The following VPS8 variants were observed in gnomAD, a reference collection of about 807,000 sequenced individuals.
The protein encoded by VPS8 is VPS8 subunit of CORVET complex, also known as vacuolar protein sorting-associated protein 8 homolog.
In VPS8, 129 loss-of-function variants were observed where a neutral mutation model predicts 216.4. The ratio of observed to expected loss-of-function variants is 0.60; its 90% CI spans 0.52 to 0.69. The LOEUF is 0.69. Ranked by LOEUF, VPS8 falls within the 30% of genes least tolerant of loss-of-function variation. The pLI is 0.00. For synonymous variants in VPS8, 571 were observed against 565.4 expected, an observed-to-expected ratio of 1.01 and a Z score of -0.14; for missense variants, 1,531 against 1,683.5, an observed-to-expected ratio of 0.91 and a Z score of 1.59.
chr3:184,973,180 T>G (rs139847310), intron 40 of VPS8, among the ~76,000 whole-genome samples: 1 of 152,206 alleles, frequency 6.6e-6, no homozygotes, highest in Non-Finnish European at 1.5e-5. Flanking sequence ...TCATGAAATA[T>G]AGAAAGTTAT....
At chr3:185,019,248 G>C (rs7616893) in intron 45 of VPS8, among the ~76,000 whole-genome samples, 2 of 152,106 alleles carry the variant, frequency 1.3e-5, no homozygotes, top group East Asian at 3.9e-4. Context: ...TCACTCCGGC[G>C]ACCCTTCAAC....
Position 184,855,967 on chromosome 3 carries a change from G to A in VPS8, c.1143+149G>A, listed in dbSNP as rs73885604. On this transcript the variant is annotated intron_variant, in intron 14 of 47. Coordinates refer to ENST00000625842, the MANE Select transcript of VPS8 (RefSeq NM_001009921.3). ...TTTTTATCTAAGGCTTTAATGATTAGCATCGGAAAATGGTGATCACTCTCA... is the reference window on the plus strand; with the variant it reads ...TTTTTATCTAAGGCTTTAATGATTAACATCGGAAAATGGTGATCACTCTCA... 2.4e-3 allele frequency: 1,463 copies of A among 602,648 alleles called. 10 individuals are homozygous for A. The highest frequency in any genetic ancestry group is 0.024 in the African/African-American group (1,264 of 52,186). 37.3% of individuals were successfully genotyped at this position (602,648 alleles called of 1,614,324 possible). A position where few individuals can be genotyped will look rare whatever the true frequency, so the allele number is the denominator to read the frequency against.
chr3:184,948,431 G>T (rs1744079591), intron 36 of VPS8, among the ~76,000 whole-genome samples: 2 of 152,122 alleles, frequency 1.3e-5, no homozygotes, highest in Non-Finnish European at 2.9e-5. Context: ...CAGAAGGATT[G>T]CTTGAGCTAA....
At chr3:184,926,217 A>G (rs1046908324) in intron 30 of VPS8, among the ~76,000 whole-genome samples, 4 of 151,530 alleles carry the variant, frequency 2.6e-5, no homozygotes, top group Admixed American at 2.6e-4. Context: ...CTACTAAAAA[A>G]ATACAAAAAA....
chr3:184,952,800 G>A (rs191118692), intron 36 of VPS8, among the ~76,000 whole-genome samples: 5 of 152,268 alleles, frequency 3.3e-5, no homozygotes, highest in South Asian at 2.1e-4. Context: ...TCTGCCATTC[G>A]GCAAAACAGT....
chr3:184,946,249 A>G (rs568280240), intron 36 of VPS8, among the ~76,000 whole-genome samples: 1 of 152,336 alleles, frequency 6.6e-6, no homozygotes, highest in African/African-American at 2.4e-5. Context: ...GTAGTCTTTC[A>G]TTAGTCTTAC....
rs112208359 is a variant in VPS8, at chr3:184,877,356, T to A, written c.1734+6551T>A. 8.2e-3 allele frequency among the ~76,000 whole-genome samples: 1,246 copies of A among 152,362 alleles called. 9 individuals are homozygous for A. Among genetic ancestry groups the A allele is most frequent in the Non-Finnish European group, 0.014 (951 of 68,034 alleles). ...CATTGCCGTATGCCCAGCATCTGGT[T>A]CAGTGTCCTTGATAAATAGTTGTTG... On this transcript the variant is annotated intron_variant, in intron 21 of 47. Transcript: ENST00000625842.
chr3:184,960,645 C>G (rs1746353190), intron 37 of VPS8, among the ~76,000 whole-genome samples: 1 of 152,100 alleles, frequency 6.6e-6, no homozygotes, highest in Admixed American at 6.6e-5. Flanking sequence ...TGTATTCTCT[C>G]TTTTTTGTAT....
chr3:184,894,387 C>A lies in VPS8; in HGVS notation c.1782-316C>A, dbSNP rs577056870. On this transcript the variant is annotated intron_variant, in intron 22 of 47. Coordinates refer to ENST00000625842, the MANE Select transcript of VPS8 (RefSeq NM_001009921.3). ...TAGGCCGGAAGGCTGGGTTCAAAATCTGACTCTTTTGTTTGTTAGATATGT... is the reference window on the plus strand; with the variant it reads ...TAGGCCGGAAGGCTGGGTTCAAAATATGACTCTTTTGTTTGTTAGATATGT... Among the ~76,000 whole-genome samples, 104 of 152,080 alleles carry A rather than the reference C, an allele frequency of 6.8e-4. 1 individual carries two copies. Among genetic ancestry groups the A allele is most frequent in the African/African-American group, 2.4e-3 (100 of 41,486 alleles).
At chr3:184,894,508 G>GTATATATACATA (rs779876259) in intron 22 of VPS8, among the ~76,000 whole-genome samples, 195 bp from the exon 23 acceptor site, 3 of 133,128 alleles carry the variant, frequency 2.3e-5, no homozygotes, top group Non-Finnish European at 4.8e-5. Flanking sequence ...ATATACACAC[G>GTATATATACATA]TATATATATA....
chr3:184,886,120 C>T lies in VPS8; in HGVS notation c.1745C>T (p.Pro582Leu), dbSNP rs747931251. 1.9e-6 allele frequency: 3 copies of T among 1,609,568 alleles called. No homozygotes were observed. The change falls in exon 22 of 48, where the codon CCT becomes CTT. Residue 582 changes from proline to leucine, a missense_variant. By Grantham distance (98) the Pro-to-Leu change is moderately conservative (BLOSUM62 -3). Transcript: ENST00000625842. ...ATGGTTCCTCTACAGGATATGGTGC[C>T]TGTCATAGTTGATTACTGCCTTCTG... ...VMEQHFQDMV[P>L]VIVDYCLLLQ...
At position 184,928,472 on chromosome 3, in the gene VPS8, G is replaced by C. The variant is rs1179166459; in HGVS notation, c.2653G>C (p.Ala885Pro). The part of the protein sequence containing the change: ...RQQVLLELLQ[A>P]GGIVQFEESR... ...TCAGGTCCTTTTAGAATTGCTGCAG[G>C]CTGGAGGCATAGTTCAATTTGAAGA... is the stretch of plus-strand genomic sequence containing the variant. Residue 885 changes from alanine to proline, a missense_variant, in exon 32 of 48, where the codon GCT becomes CCT. Ala to Pro is a conservative substitution (Grantham distance 27). Around this residue, in one of 3 missense-constraint regions of VPS8, gnomAD observed 1,318 missense variants for 1,468.4 expected, o/e 0.90. Transcript: ENST00000625842. 1.3e-6 allele frequency: 2 copies of C among 1,534,068 alleles called. No individual in the cohort carries two copies.
intron 18 of VPS8, chr3:184,868,312 C>T (rs1053407763): frequency 2.3e-6 from 1 of 430,060 alleles, no homozygotes; most frequent in Non-Finnish European, 4.2e-6. Flanking sequence ...GTAAAAGCAC[C>T]TGGAGCTAGG....
chr3:185,030,635 T>C (rs80292553), intron 46 of VPS8, among the ~76,000 whole-genome samples: 6,080 of 152,286 alleles, frequency 0.04, 211 homozygotes, highest in East Asian at 0.1. Context: ...AGTGAAGAAA[T>C]ACAGTTCCTT....
At chr3:184,915,086 C>T in intron 27 of VPS8, 33 bp downstream of exon 27, 1 of 1,605,782 alleles carries the variant, frequency 6.2e-7, no homozygotes, top group South Asian at 1.1e-5. Flanking sequence ...TTTGACTGTT[C>T]TCCGTCTCTG....
At position 184,862,905 on chromosome 3, in the gene VPS8, T is replaced by C. The variant is rs760835191; in HGVS notation, c.1233T>C (p.Asn411=). 2 of 1,611,790 alleles carry C rather than the reference T, an allele frequency of 1.2e-6. No individual in the cohort carries two copies. Among genetic ancestry groups the C allele is most frequent in the African/African-American group, 2.7e-5 (2 of 74,868 alleles). ...GTGTGCTTGAATTACAGTGGATAAA[T>C]TCACGCACAGTTGTGCTCTTAGACA... ...YYDLINFTWI[N]SRTVVLLDSV... The change falls in exon 16 of 48, where the codon AAT becomes AAC. Residue 411 remains asparagine (N), a synonymous_variant. Transcript: ENST00000625842.
intron 45 of VPS8, among the ~76,000 whole-genome samples, chr3:185,001,346 T>G (rs558033950): frequency 6.6e-6 from 1 of 152,300 alleles, no homozygotes; most frequent in East Asian, 1.9e-4. Context: ...GTGGTCCCCA[T>G]GACCCCCTCT....
At position 184,915,360 on chromosome 3, in the gene VPS8, T is replaced by C. The variant is rs778633320; in HGVS notation, c.2268T>C (p.Phe756=). Residue 756 remains phenylalanine (F), a synonymous_variant, in exon 28 of 48, where the codon TTT becomes TTC. Coordinates refer to ENST00000625842, the MANE Select transcript of VPS8 (RefSeq NM_001009921.3). The part of the protein sequence containing the change: ...DLVPLVKNQV[F]EFLIRLHSAE... ...ATTTTTTTCCCAACTTGCAGGTTTT[T>C]GAATTTCTAATTCGCCTGCATTCAG... is the stretch of plus-strand genomic sequence containing the variant. 6.2e-7 allele frequency: 1 copy of C among 1,611,584 alleles called. No individual in the cohort carries two copies.
At chr3:185,005,554 A>C (rs917575285) in intron 45 of VPS8, among the ~76,000 whole-genome samples, 1 of 152,088 alleles carries the variant, frequency 6.6e-6, no homozygotes, top group Non-Finnish European at 1.5e-5. Flanking sequence ...TTCTTTCAGC[A>C]GTGTTTTGTA....
Sources: allele counts gnomAD v4.1 joint callset (sites outside exome capture counted in the v4.1 genomes callset), GRCh38; gene constraint gnomAD v4.1.1; regional missense constraint gnomAD v4.1.1; transcripts MANE v1.5; gene names NCBI Gene and HGNC (gene_info 2026-07-23, HGNC 2026-07-21).